The following CCM2 variants were observed in gnomAD, a reference collection of about 807,000 sequenced individuals.
The protein encoded by CCM2 is CCM2 scaffold protein.
In CCM2, 25 loss-of-function variants were observed where a neutral mutation model predicts 44.9. That is an observed-to-expected ratio of 0.56 (90% CI 0.41 to 0.78). The LOEUF (loss-of-function observed/expected upper bound fraction) is 0.78, where lower values mean the gene tolerates loss of function less well. Among genes scored for constraint, CCM2 ranks in the 30% least tolerant of loss-of-function variants. The probability of loss-of-function intolerance (pLI) is 0.00; values close to 1 mark genes in which losing one functional copy is unlikely to be tolerated. For synonymous variants in CCM2, 219 were observed against 241.1 expected, an observed-to-expected ratio of 0.91 and a Z score of 0.85; for missense variants, 481 against 580.6, an observed-to-expected ratio of 0.83 and a Z score of 1.76.
At chr7:45,045,520 G>A (rs537817155) in intron 2 of CCM2, among the ~76,000 whole-genome samples, 8 of 152,302 alleles carry the variant, frequency 5.3e-5, no homozygotes, top group Admixed American at 2.6e-4. Context: ...GGCTGGGTGC[G>A]GTGGCTCACG....
intron 1 of CCM2, among the ~76,000 whole-genome samples, chr7:45,012,700 G>A (rs183451717): frequency 1.3e-5 from 2 of 151,756 alleles, no homozygotes; most frequent in African/African-American, 4.8e-5. Flanking sequence ...GAGTACAGGT[G>A]TGCGCCACCA....
At chr7:45,063,361 C>T (rs1583966954) in intron 2 of CCM2, 3 of 158,054 alleles carry the variant, frequency 1.9e-5, no homozygotes, top group East Asian at 1.9e-4. Context: ...CGTGAGCCAC[C>T]GCACCTGGCC....
At chr7:45,023,144 C>T (rs992140276) in intron 1 of CCM2, among the ~76,000 whole-genome samples, 4 of 152,188 alleles carry the variant, frequency 2.6e-5, no homozygotes, top group Non-Finnish European at 4.4e-5. Context: ...TTCTAAGTCT[C>T]CAGTGTCCAT....
chr7:45,059,623 C>T (rs943822604), intron 2 of CCM2, among the ~76,000 whole-genome samples: 78 of 152,014 alleles, frequency 5.1e-4, no homozygotes, highest in African/African-American at 1.8e-3. Flanking sequence ...GTGGCATGTG[C>T]GTGTAGTCTC....
At position 45,076,100 on chromosome 7, in the gene CCM2, T is replaced by C. The variant is rs760907540; in HGVS notation, c.*43T>C. On this transcript the variant is annotated 3_prime_UTR_variant, in exon 10 of 10. Coordinates refer to ENST00000258781, the MANE Select transcript of CCM2 (RefSeq NM_031443.4). ...GGCACCCACACCTTCCGCGCAGTCGTCATAGGCCTTCCCAGAAGGAGCTGC... is the reference window on the plus strand; with the variant it reads ...GGCACCCACACCTTCCGCGCAGTCGCCATAGGCCTTCCCAGAAGGAGCTGC... 1.5e-5 allele frequency: 24 copies of C among 1,610,354 alleles called. No homozygotes were observed. The highest frequency in any genetic ancestry group is 1.8e-5 in the Non-Finnish European group (21 of 1,179,630).
chr7:45,032,001 C>T (rs766374188), intron 1 of CCM2, among the ~76,000 whole-genome samples: 6 of 152,198 alleles, frequency 3.9e-5, no homozygotes, highest in Admixed American at 2.0e-4. Context: ...CCACCCCCTG[C>T]AGCTGAGAGC....
At position 45,038,375 on chromosome 7, in the gene CCM2, G is replaced by A; in HGVS notation, c.153G>A (p.Glu51=). Residue 51 remains glutamate (E), a synonymous_variant, in exon 2 of 10, where the codon GAG becomes GAA. Transcript: ENST00000258781. ...ACACTGTGGTGTTGTCATTGCCTGAGCGCGTCGAGCCAGACAGACTGCTGA... is the reference window on the plus strand; with the variant it reads ...ACACTGTGGTGTTGTCATTGCCTGAACGCGTCGAGCCAGACAGACTGCTGA... ...PLHTVVLSLP[E]RVEPDRLLSD... is the part of the protein sequence containing the mutation. 6.2e-7 allele frequency: 1 copy of A among 1,614,194 alleles called. No homozygotes were observed. The highest frequency in any genetic ancestry group is 8.5e-7 in the Non-Finnish European group (1 of 1,180,048).
At chr7:45,057,900 G>A (rs1325809176) in intron 2 of CCM2, among the ~76,000 whole-genome samples, 1 of 152,174 alleles carries the variant, frequency 6.6e-6, no homozygotes, top group Non-Finnish European at 1.5e-5. Context: ...CCCAGCACAC[G>A]CAATTCTGAA....
At chr7:45,059,096 G>A (rs748502622) in intron 2 of CCM2, among the ~76,000 whole-genome samples, 1 of 151,964 alleles carries the variant, frequency 6.6e-6, no homozygotes, top group Non-Finnish European at 1.5e-5. Context: ...GGCCACACTA[G>A]TCTTGAACTC....
At chr7:45,015,624 A>G (rs537963053) in intron 1 of CCM2, among the ~76,000 whole-genome samples, 3 of 152,312 alleles carry the variant, frequency 2.0e-5, no homozygotes, top group South Asian at 2.1e-4. Context: ...AGTTTTCCCC[A>G]TGTCTTGCAT....
chr7:45,015,710 C>G, intron 1 of CCM2, among the ~76,000 whole-genome samples: 1 of 152,130 alleles, frequency 6.6e-6, no homozygotes, highest in East Asian at 1.9e-4. Flanking sequence ...TGGCCCAGGA[C>G]GTCCTGGTTC....
chr7:45,007,940 C>A (rs536353952), intron 1 of CCM2, among the ~76,000 whole-genome samples: 3 of 151,542 alleles, frequency 2.0e-5, no homozygotes, highest in Non-Finnish European at 4.4e-5. Flanking sequence ...AGGTTTTTTT[C>A]AAAAAATCAA....
intron 1 of CCM2, among the ~76,000 whole-genome samples, chr7:45,021,744 G>A (rs1796490461): frequency 6.6e-6 from 1 of 151,926 alleles, no homozygotes; most frequent in African/African-American, 2.4e-5. Context: ...ACAGGGAGGA[G>A]GAGGAGGGGA....
rs771346534 is a variant in CCM2, at chr7:45,068,589, T to C, written c.609+10T>C. On this transcript the variant is annotated intron_variant, in intron 5 of 9. Coordinates refer to ENST00000258781, the MANE Select transcript of CCM2 (RefSeq NM_031443.4). Reference sequence around the variant, plus strand: ...GGCTGCAGAGAGCAAGGTGAGACTTTCTCGCCCCACTTACTCAGAACTGGC... The same window carrying C: ...GGCTGCAGAGAGCAAGGTGAGACTTCCTCGCCCCACTTACTCAGAACTGGC... The C allele has an allele frequency of 1.2e-6, 2 of 1,613,766 alleles. No individual in the cohort carries two copies. The highest frequency in any genetic ancestry group is 1.7e-6 in the Non-Finnish European group (2 of 1,179,984).
In CCM2 at chr7:45,038,280, G is replaced by A. The variant is rs1356728943; in HGVS notation, c.58G>A (p.Val20Ile). The change falls in exon 2 of 10, where the codon GTA becomes ATA. Residue 20 changes from valine (V) to isoleucine (I), a missense_variant. Coordinates refer to ENST00000258781, the MANE Select transcript of CCM2 (RefSeq NM_031443.4). ...TGGAATTGTCTCGCCATTTAAACGAGTATTCCTAAAAGGTGAAAAGAGTAG... is the reference window on the plus strand; with the variant it reads ...TGGAATTGTCTCGCCATTTAAACGAATATTCCTAAAAGGTGAAAAGAGTAG... ...KPGIVSPFKR[V>I]FLKGEKSRDK... 11 of 1,614,040 alleles carry A rather than the reference G, an allele frequency of 6.8e-6. No individual in the cohort carries two copies. The highest frequency in any genetic ancestry group is 6.7e-5 in the Admixed American group (4 of 60,010).
At chr7:45,052,687 C>G (rs1798069069) in intron 2 of CCM2, among the ~76,000 whole-genome samples, 1 of 152,184 alleles carries the variant, frequency 6.6e-6, no homozygotes, top group Non-Finnish European at 1.5e-5. Flanking sequence ...CCATTTAGCT[C>G]AGTTTGTGGC....
intron 2 of CCM2, among the ~76,000 whole-genome samples, chr7:45,057,232 G>A (rs1302880779): frequency 6.6e-6 from 1 of 150,874 alleles, no homozygotes; most frequent in African/African-American, 2.4e-5. Flanking sequence ...GTATGATCTC[G>A]ACTCACTGCA....
chr7:45,039,585 C>A (rs1332785901), intron 2 of CCM2, among the ~76,000 whole-genome samples: 1 of 152,092 alleles, frequency 6.6e-6, no homozygotes, highest in Non-Finnish European at 1.5e-5. Flanking sequence ...AATACACAAA[C>A]ATGAATAAAC....
Position 45,003,392 on chromosome 7 carries a change from T to A in CCM2, c.30+3029T>A, listed in dbSNP as rs150746811. ...ACAGTAATTCCTTTTTATTAGAAAC[T>A]TGGATGCACTTAAGTTGGGTTGTGT... On this transcript the variant is annotated intron_variant, in intron 1 of 9. Coordinates refer to ENST00000258781, the MANE Select transcript of CCM2 (RefSeq NM_031443.4). Among the ~76,000 whole-genome samples, 27 of 152,250 alleles carry A rather than the reference T, an allele frequency of 1.8e-4. No individual in the cohort carries two copies. In the East Asian group the frequency reaches 5.0e-3, roughly 28 times the overall value.
Sources: gnomAD v4.1 joint callset for allele counts (sites outside exome capture counted in the v4.1 genomes callset) on GRCh38, gnomAD v4.1.1 for gene constraint, MANE v1.5 for transcripts, NCBI Gene and HGNC (gene_info 2026-07-23, HGNC 2026-07-21) for gene names.